The following ARHGEF4 variants were observed in gnomAD, a reference collection of about 807,000 sequenced individuals.
ARHGEF4 encodes Rho guanine nucleotide exchange factor 4.
Under a neutral mutation model 162.0 loss-of-function variants are expected in ARHGEF4, and 119 were observed. That is an observed-to-expected ratio of 0.73 (90% CI 0.63 to 0.86). ARHGEF4 has a LOEUF of 0.86. Ranked by LOEUF, ARHGEF4 falls within the 40% of genes least tolerant of loss-of-function variation. ARHGEF4 has a pLI of 0.00. For synonymous variants in ARHGEF4, 1,014 were observed against 979.9 expected (o/e 1.03, Z -0.65); for missense variants, 2,488 against 2,456.0 (o/e 1.01, Z -0.28).
chr2:131,010,090 T>C (rs1036538363), intron 4 of ARHGEF4, among the ~76,000 whole-genome samples: 6 of 152,198 alleles, frequency 3.9e-5, no homozygotes, highest in Non-Finnish European at 5.9e-5. Context: ...ACCTTCAGAA[T>C]TCAGGGGTCA....
intron 4 of ARHGEF4, among the ~76,000 whole-genome samples, chr2:131,001,319 A>AC: frequency 6.6e-6 from 1 of 151,520 alleles, no homozygotes; most frequent in South Asian, 2.1e-4. Context: ...AAAAAAAAAA[A>AC]AAAAAAAAAC....
rs553918420 is a variant in ARHGEF4, at chr2:130,930,738, T to C, written c.3553-214T>C. On this transcript the variant is annotated intron_variant, in intron 2 of 13. Transcript: ENST00000409359. ...ATTTTTTAAAAAATACTCTTGAAAGTAGACATTTTAACAGAGACAAGATTT... is the reference window on the plus strand; with the variant it reads ...ATTTTTTAAAAAATACTCTTGAAAGCAGACATTTTAACAGAGACAAGATTT... 3.3e-5 allele frequency among the ~76,000 whole-genome samples: 5 copies of C among 152,312 alleles called. No homozygotes were observed. The East Asian group carries it at 9.6e-4, about 29-fold the overall frequency.
At chr2:130,850,990 G>A (rs116249742) in intron 1 of ARHGEF4, among the ~76,000 whole-genome samples, 2,675 of 152,342 alleles carry the variant, frequency 0.018, 33 homozygotes, top group Non-Finnish European at 0.025. Flanking sequence ...ACTTTGGGCC[G>A]TTCACTCAGC....
intron 1 of ARHGEF4, among the ~76,000 whole-genome samples, chr2:130,850,824 C>G (rs914701943): frequency 7.2e-5 from 11 of 152,252 alleles, no homozygotes; most frequent in African/African-American, 1.9e-4. Flanking sequence ...ACTGTACAGT[C>G]TTTCCAACAA....
intron 4 of ARHGEF4, among the ~76,000 whole-genome samples, chr2:130,980,688 C>G (rs955856872): frequency 2.6e-5 from 4 of 152,188 alleles, no homozygotes; most frequent in African/African-American, 9.6e-5. Context: ...TAAACCAGTG[C>G]AGCATGTGCA....
intron 4 of ARHGEF4, among the ~76,000 whole-genome samples, chr2:130,991,491 G>A (rs545240008): frequency 6.6e-6 from 1 of 152,230 alleles, no homozygotes; most frequent in Non-Finnish European, 1.5e-5. Context: ...GCGCTTGCGG[G>A]CCAGCTGGAG....
intron 1 of ARHGEF4, among the ~76,000 whole-genome samples, chr2:130,866,243 G>A (rs967780448): frequency 2.0e-5 from 3 of 152,160 alleles, no homozygotes; most frequent in Non-Finnish European, 2.9e-5. Context: ...AAAATAGCTA[G>A]GTGTGGTGGC....
At chr2:130,841,457 G>A (rs1680608225) in intron 1 of ARHGEF4, among the ~76,000 whole-genome samples, 1 of 149,924 alleles carries the variant, frequency 6.7e-6, no homozygotes, top group Admixed American at 6.7e-5. Context: ...TTCAGTCCTA[G>A]CAGTGCCATG....
At chr2:130,922,729 G>A (rs2105077005) in intron 2 of ARHGEF4, among the ~76,000 whole-genome samples, 1 of 150,298 alleles carries the variant, frequency 6.7e-6, no homozygotes. Context: ...TTTGGGTTTG[G>A]GCCTGATAAT....
intron 6 of ARHGEF4, chr2:131,039,314 C>A: frequency 8.1e-7 from 1 of 1,235,644 alleles, no homozygotes; most frequent in Non-Finnish European, 1.0e-6. Flanking sequence ...ACTCCAGGCG[C>A]TAGACATTTC....
At chr2:131,034,930 G>A (rs1468547832) in intron 5 of ARHGEF4, 17 of 969,162 alleles carry the variant, frequency 1.8e-5, no homozygotes, top group Non-Finnish European at 4.9e-6. Context: ...GGGTTGCCAG[G>A]GCTTGGGGCC....
intron 5 of ARHGEF4, chr2:131,035,953 G>A (rs1026993581): frequency 2.2e-5 from 16 of 732,576 alleles, no homozygotes; most frequent in Non-Finnish European, 2.7e-5. Context: ...AGGGGATCCC[G>A]CTCCCTGCCC....
At chr2:130,901,181 TG>T (rs1376957440) in intron 1 of ARHGEF4, among the ~76,000 whole-genome samples, 1 of 152,072 alleles carries the variant, frequency 6.6e-6, no homozygotes, top group African/African-American at 2.4e-5. Context: ...TCTCCACTGT[TG>T]GGTGGAGGAT....
chr2:131,014,112 C>T (rs951265740), intron 4 of ARHGEF4, among the ~76,000 whole-genome samples: 6 of 152,104 alleles, frequency 3.9e-5, no homozygotes, highest in African/African-American at 1.4e-4. Flanking sequence ...ATTGATTTGC[C>T]AAAACTTGTA....
chr2:131,035,022 C>G, intron 5 of ARHGEF4: 1 of 987,512 alleles, frequency 1.0e-6, no homozygotes. Context: ...TCTCCCCGGG[C>G]GCTGCGGGCC....
chr2:130,940,005 C>G (rs777904566), intron 3 of ARHGEF4, among the ~76,000 whole-genome samples: 12 of 151,510 alleles, frequency 7.9e-5, no homozygotes, highest in Non-Finnish European at 8.8e-5. Flanking sequence ...TGGAAACTAT[C>G]TATGTAAGCA....
intron 4 of ARHGEF4, among the ~76,000 whole-genome samples, chr2:130,956,477 C>G (rs1301092445): frequency 6.6e-6 from 1 of 151,756 alleles, no homozygotes; most frequent in Non-Finnish European, 1.5e-5. Context: ...TGGGTATACA[C>G]CCAAAGGACT....
At chr2:130,940,278 A>C (rs943394582) in intron 3 of ARHGEF4, among the ~76,000 whole-genome samples, 5 of 152,000 alleles carry the variant, frequency 3.3e-5, no homozygotes, top group Non-Finnish European at 7.4e-5. Flanking sequence ...ATGGAACATA[A>C]GGAAATATTT....
chr2:130,995,756 C>T (rs1174605219), intron 4 of ARHGEF4, among the ~76,000 whole-genome samples: 2 of 152,166 alleles, frequency 1.3e-5, no homozygotes, highest in Non-Finnish European at 2.9e-5. Context: ...ATGTAGAACT[C>T]GCCCATGCTT....
Sources: allele counts gnomAD v4.1 joint callset (sites outside exome capture counted in the v4.1 genomes callset), GRCh38; gene constraint gnomAD v4.1.1; transcripts MANE v1.5; gene names NCBI Gene and HGNC (gene_info 2026-07-23, HGNC 2026-07-21).